Variants in SCN7A observed in about 807,000 individuals in gnomAD.
SCN7A encodes the protein sodium voltage-gated channel alpha subunit 7, also known as sodium channel protein type 7 subunit alpha.
A neutral mutation model predicts 155.2 loss-of-function variants in SCN7A; 138 were observed. That is an observed-to-expected ratio of 0.89 (90% CI 0.77 to 1.02). The LOEUF (loss-of-function observed/expected upper bound fraction) is 1.02. SCN7A is among the 50% of genes least tolerant of loss of function. SCN7A has a pLI of 0.00. For synonymous variants in SCN7A, 693 were observed against 649.0 expected (o/e 1.07, Z -1.03); for missense variants, 2,058 against 1,986.6 (o/e 1.04, Z -0.68).
chr2:166,474,284 A>G lies in SCN7A; in HGVS notation c.295T>C (p.Cys99Arg). Residue 99 changes from cysteine (C) to arginine (R), a missense_variant, in exon 4 of 26, where the codon TGT becomes CGT. Cys to Arg is a radical substitution (Grantham distance 180, BLOSUM62 -3). Coordinates refer to ENST00000643258, the MANE Select transcript of SCN7A (RefSeq NM_002976.4). Reference sequence around the variant, plus strand: ...ATACAATTGAAAGGAGACAATGTACACAAGATGGAAGCCGCATTGAATCTG... The same window carrying G: ...ATACAATTGAAAGGAGACAATGTACGCAAGATGGAAGCCGCATTGAATCTG... ...IFRFNAASIL[C>R]TLSPFNCIRR... 2 of 1,528,754 alleles carry G rather than the reference A, an allele frequency of 1.3e-6. No homozygotes were observed. Among genetic ancestry groups the G allele is most frequent in the African/African-American group, 1.4e-5 (1 of 72,242 alleles). The allele number at this position is 1,528,754 out of a possible 1,614,324, so 94.7% of individuals were successfully genotyped here. A position where few individuals can be genotyped will look rare whatever the true frequency, so the allele number is the denominator to read the frequency against.
intron 23 of SCN7A, among the ~76,000 whole-genome samples, chr2:166,412,127 A>G (rs1701215610): frequency 6.6e-6 from 1 of 152,092 alleles, no homozygotes; most frequent in African/African-American, 2.4e-5. Flanking sequence ...GAACTACTCT[A>G]ACTTTGAAAG....
intron 11 of SCN7A, among the ~76,000 whole-genome samples, chr2:166,454,582 A>G (rs1035166537): frequency 6.6e-5 from 10 of 152,166 alleles, no homozygotes; most frequent in African/African-American, 1.7e-4. Context: ...GTACCTTACT[A>G]TATATTCCAC....
At chr2:166,461,880 G>A (rs1485311630) in intron 10 of SCN7A, 1 of 152,524 alleles carries the variant, frequency 6.6e-6, no homozygotes, top group African/African-American at 2.4e-5. Flanking sequence ...ATGAGATCAG[G>A]AGATCAAGAC....
rs180762390 is a variant in SCN7A, at chr2:166,442,610, T to A, written c.1801-858A>T. 2.1e-3 allele frequency among the ~76,000 whole-genome samples: 313 copies of A among 152,248 alleles called. 1 individual carries two copies. Among genetic ancestry groups the A allele is most frequent in the Admixed American group, 3.8e-3 (58 of 15,280 alleles). Reference sequence around the variant, plus strand: ...CTATGTTGCCCAGGCTGGTTCCAAATTCCTGGCCTCACTTCTTGACTTTTT... The same window carrying A: ...CTATGTTGCCCAGGCTGGTTCCAAAATCCTGGCCTCACTTCTTGACTTTTT... On this transcript the variant is annotated intron_variant, in intron 14 of 25. Coordinates refer to ENST00000643258, the MANE Select transcript of SCN7A (RefSeq NM_002976.4).
At chr2:166,491,911 T>A (rs1243260350) in intron 1 of SCN7A, among the ~76,000 whole-genome samples, 2 of 152,096 alleles carry the variant, frequency 1.3e-5, no homozygotes, top group Non-Finnish European at 2.9e-5. Flanking sequence ...AGTAGGTAGA[T>A]GGTGAGTCAA....
intron 23 of SCN7A, among the ~76,000 whole-genome samples, chr2:166,411,227 A>C (rs2105365126): frequency 6.6e-6 from 1 of 152,174 alleles, no homozygotes; most frequent in Non-Finnish European, 1.5e-5. Context: ...AAAAATAAAT[A>C]GTTAATACAT....
intron 9 of SCN7A, among the ~76,000 whole-genome samples, chr2:166,464,708 G>A (rs1702489065): frequency 6.6e-6 from 1 of 152,116 alleles, no homozygotes. Context: ...AGGACAACCA[G>A]CCCGAGCTAT....
chr2:166,430,686 A>G (rs1211371842), intron 16 of SCN7A, among the ~76,000 whole-genome samples: 1 of 151,934 alleles, frequency 6.6e-6, no homozygotes, highest in Non-Finnish European at 1.5e-5. Context: ...TCTGCATTAC[A>G]AAAAATACAA....
chr2:166,479,423 CATTTCTGTGTTATAA>C (rs2105518409), intron 2 of SCN7A, among the ~76,000 whole-genome samples: 1 of 152,132 alleles, frequency 6.6e-6, no homozygotes, highest in Non-Finnish European at 1.5e-5. Flanking sequence ...ATACATGGTA[CATTTCTGTGTTATAA>C]ATGTTCTGTG....
chr2:166,494,183 G>A lies in SCN7A; in HGVS notation c.-343C>T, dbSNP rs1683176893. On this transcript the variant is annotated 5_prime_UTR_variant, in exon 1 of 26. Transcript: ENST00000643258. ...CCCACTAAATGGCCAGTTAGACACC[G>A]ACTCACTGGGGCGACTCTCCAGCCA... The A allele has an allele frequency of 6.6e-6, 1 of 152,394 alleles. No individual in the cohort carries two copies. The highest frequency in any genetic ancestry group is 2.1e-4 in the South Asian group (1 of 4,822). The allele number at this position is 152,394 out of a possible 1,614,324, so 9.4% of individuals were successfully genotyped here.
chr2:166,474,418 A>T, intron 3 of SCN7A, 74 bp from the exon 4 acceptor site: 1 of 520,488 alleles, frequency 1.9e-6, no homozygotes. Context: ...ATAAACTGCC[A>T]ATCAATCATC....
At chr2:166,492,095 G>A (rs140252341) in intron 1 of SCN7A, among the ~76,000 whole-genome samples, 52 of 152,054 alleles carry the variant, frequency 3.4e-4, no homozygotes, top group African/African-American at 1.1e-3. Flanking sequence ...GTGTATATCC[G>A]CTACCAAACC....
chr2:166,458,559 A>G (rs1702335105), intron 10 of SCN7A, among the ~76,000 whole-genome samples: 1 of 152,202 alleles, frequency 6.6e-6, no homozygotes. Context: ...AATGACCAGC[A>G]GCATATACAA....
At chr2:166,472,481 G>C (rs1393744735) in intron 5 of SCN7A, 36 bp from the exon 6 acceptor site, 1 of 1,446,982 alleles carries the variant, frequency 6.9e-7, no homozygotes. Flanking sequence ...TTATTGGTGA[G>C]AATAATACAT....
At chr2:166,460,163 A>G (rs1243811157) in intron 10 of SCN7A, among the ~76,000 whole-genome samples, 1 of 152,172 alleles carries the variant, frequency 6.6e-6, no homozygotes, top group Non-Finnish European at 1.5e-5. Context: ...ACAATAATGA[A>G]GATCCTGAGG....
Position 166,421,205 on chromosome 2 carries a change from T to C in SCN7A, c.3120A>G (p.Gln1040=), listed in dbSNP as rs1025680023. The C allele has an allele frequency of 7.9e-6, 12 of 1,521,012 alleles. No homozygotes were observed. The highest frequency in any genetic ancestry group is 6.8e-5 in the Admixed American group (3 of 44,180). 94.2% of individuals were successfully genotyped at this position (1,521,012 alleles called of 1,614,324 possible). The change falls in exon 20 of 26, where the codon CAA becomes CAG. Residue 1040 remains glutamine, a synonymous_variant. Coordinates refer to ENST00000643258, the MANE Select transcript of SCN7A (RefSeq NM_002976.4). ...KFLRPLRVLS[Q]FERMKVVVRA... is the part of the protein sequence containing the mutation. The stretch of plus-strand genomic sequence containing the variant: ...TATCTCTTACCTTCATTCTTTCAAA[T>C]TGAGATAGAACTCTGAGGGGCCGAA...
chr2:166,437,436 G>C (rs955866682), intron 15 of SCN7A, among the ~76,000 whole-genome samples: 2 of 152,194 alleles, frequency 1.3e-5, no homozygotes, highest in Non-Finnish European at 2.9e-5. Context: ...GAGCTCTCAT[G>C]GAGAACCTCT....
chr2:166,413,980 T>C (rs1701258673), intron 21 of SCN7A, among the ~76,000 whole-genome samples: 1 of 74,140 alleles, frequency 1.3e-5, no homozygotes, highest in Admixed American at 1.9e-4. Flanking sequence ...TATGTGTATG[T>C]GTATATATAT....
chr2:166,432,482 T>C lies in SCN7A; in HGVS notation c.2428A>G (p.Lys810Glu). The C allele has an allele frequency of 6.2e-7, 1 of 1,613,708 alleles. No homozygotes were observed. Among genetic ancestry groups the C allele is most frequent in the Non-Finnish European group, 8.5e-7 (1 of 1,179,688 alleles). Reference protein sequence around the residue: ...NTQDFLKDKEKSSGTEKNATE... With the variant: ...NTQDFLKDKEESSGTEKNATE... ...GCGTTTTTCTCTGTGCCACTGCTTT[T>C]TTCCTTATCTTTGAGAAAATCTTGG... is the stretch of plus-strand genomic sequence containing the variant. Residue 810 changes from lysine to glutamate, a missense_variant, in exon 16 of 26, where the codon AAA (lysine) becomes GAA (glutamate). Physicochemically the swap from Lys to Glu is moderately conservative, Grantham distance 56. Transcript: ENST00000643258.
Sources: gnomAD v4.1 joint callset for allele counts (sites outside exome capture counted in the v4.1 genomes callset) on GRCh38, gnomAD v4.1.1 for gene constraint, MANE v1.5 for transcripts, NCBI Gene and HGNC (gene_info 2026-07-23, HGNC 2026-07-21) for gene names.